The following LYRM4 variants were observed in gnomAD, a reference collection of about 807,000 sequenced individuals.
LYRM4 encodes LYR motif-containing protein 4.
LYRM4 carries 9 observed loss-of-function variants against 11.7 expected under a neutral mutation model. The ratio of observed to expected loss-of-function variants is 0.77; its 90% CI spans 0.46 to 1.34. The LOEUF is 1.34. LYRM4 is among the 40% of genes most tolerant of loss of function. The probability of loss-of-function intolerance (pLI) is 0.00; values close to 1 mark genes in which losing one functional copy is unlikely to be tolerated. For missense variants in LYRM4, 133 were observed against 112.5 expected, an observed-to-expected ratio of 1.18 and a Z score of -0.82; for synonymous variants, 42 against 40.4, an observed-to-expected ratio of 1.04 and a Z score of -0.15.
chr6:5,185,104 GCTC>G (rs1465551860), intron 2 of LYRM4, among the ~76,000 whole-genome samples: 1 of 152,138 alleles, frequency 6.6e-6, no homozygotes, highest in Admixed American at 6.6e-5. Context: ...ATCACAATAC[GCTC>G]CTACCTAGCT....
At chr6:5,145,556 C>T (rs551920519) in intron 2 of LYRM4, among the ~76,000 whole-genome samples, 5 of 152,254 alleles carry the variant, frequency 3.3e-5, no homozygotes, top group South Asian at 4.1e-4. Flanking sequence ...CTCTACCCAC[C>T]AAGTAATAAA....
the LYRM4 span, among the ~76,000 whole-genome samples, chr6:5,062,515 C>T: frequency 6.6e-6 from 1 of 151,756 alleles, no homozygotes; most frequent in Non-Finnish European, 1.5e-5. Flanking sequence ...ATTTTTCTTC[C>T]ACATCATTGT....
intron 1 of LYRM4, among the ~76,000 whole-genome samples, chr6:5,246,242 C>T (rs1157487828): frequency 6.6e-6 from 1 of 152,150 alleles, no homozygotes; most frequent in Non-Finnish European, 1.5e-5. Flanking sequence ...GTTGGATTTG[C>T]TGACATGAAG....
At chr6:5,042,837 C>T in the LYRM4 span, 1 of 152,354 alleles carries the variant, frequency 6.6e-6, no homozygotes, top group African/African-American at 2.4e-5. Flanking sequence ...TCTGCTTGGC[C>T]CATGATCCTG....
At chr6:5,239,864 C>T (rs1175503686) in intron 1 of LYRM4, among the ~76,000 whole-genome samples, 2 of 152,100 alleles carry the variant, frequency 1.3e-5, no homozygotes, top group Non-Finnish European at 2.9e-5. Context: ...TGAGCATAGG[C>T]CCTTAAAAAC....
chr6:5,195,928 A>C (rs1761026843), intron 2 of LYRM4, among the ~76,000 whole-genome samples: 1 of 152,120 alleles, frequency 6.6e-6, no homozygotes, highest in South Asian at 2.1e-4. Flanking sequence ...ACTTCCTCAC[A>C]CCAACTGAAA....
At chr6:5,235,450 GTA>G (rs1763486958) in intron 1 of LYRM4, among the ~76,000 whole-genome samples, 1 of 152,096 alleles carries the variant, frequency 6.6e-6, no homozygotes, top group African/African-American at 2.4e-5. Flanking sequence ...GACTAATACA[GTA>G]TTCATTTTTT....
intron 2 of LYRM4, among the ~76,000 whole-genome samples, chr6:5,155,285 T>G (rs2746238): frequency 0.09 from 13,653 of 152,154 alleles, 1,167 homozygotes; most frequent in African/African-American, 0.22. Flanking sequence ...TTCACCATGT[T>G]GGCCAGGCTG....
intron 2 of LYRM4, among the ~76,000 whole-genome samples, chr6:5,134,985 G>T (rs1757005445): frequency 7.2e-6 from 1 of 139,166 alleles, no homozygotes; most frequent in Non-Finnish European, 1.6e-5. Context: ...TCCCGGGGCT[G>T]TGGAGGGTGC....
the LYRM4 span, chr6:5,086,231 C>A: frequency 6.5e-7 from 1 of 1,535,514 alleles, no homozygotes. Flanking sequence ...AGGGCCGTGA[C>A]CGTGCGCTAC....
Position 5,204,551 on chromosome 6 carries a change from A to G in LYRM4, c.207+12067T>C, listed in dbSNP as rs576326224. ...CTGACTTCTCCCTCCCTCTCTTCCC[A>G]TGTGAAATGCAGACTCACTGAGCGC... On this transcript the variant is annotated intron_variant, in intron 2 of 2. Coordinates refer to ENST00000330636, the MANE Select transcript of LYRM4 (RefSeq NM_020408.6). 9.2e-5 allele frequency among the ~76,000 whole-genome samples: 14 copies of G among 152,236 alleles called. No homozygotes were observed. In the South Asian group the frequency reaches 2.9e-3, roughly 32 times the overall value.
chr6:5,094,451 T>G, the LYRM4 span, among the ~76,000 whole-genome samples: 1 of 152,210 alleles, frequency 6.6e-6, no homozygotes, highest in Non-Finnish European at 1.5e-5. Flanking sequence ...ACCACTGGAC[T>G]CCAGCCTGGA....
At position 5,118,111 on chromosome 6, in the gene LYRM4, T is replaced by TTTTGA. The variant is rs1186334179; in HGVS notation, c.208-8621_208-8620insTCAAA. Among the ~76,000 whole-genome samples, 54 of 90,328 alleles carry TTTTGA rather than the reference T, an allele frequency of 6.0e-4. No homozygotes were observed. The East Asian group carries it at 0.046, about 76-fold the overall frequency. 59.3% of individuals were successfully genotyped at this position (90,328 alleles called of 152,430 possible). ...ATATATATATTTTTGTTTTGTTTTG[T>TTTTGA]TTTGTTTTTTTTTTTGAGACAGAGT... On this transcript the variant is annotated intron_variant, in intron 2 of 2. Transcript: ENST00000330636.
At chr6:5,228,057 G>A (rs1178376579) in intron 1 of LYRM4, among the ~76,000 whole-genome samples, 1 of 152,070 alleles carries the variant, frequency 6.6e-6, no homozygotes, top group African/African-American at 2.4e-5. Context: ...CCTAGATGAT[G>A]GGTTGATAGG....
intron 2 of LYRM4, among the ~76,000 whole-genome samples, chr6:5,149,107 G>A (rs1264090594): frequency 6.6e-6 from 1 of 152,170 alleles, no homozygotes; most frequent in African/African-American, 2.4e-5. Context: ...TTCGCTTTCT[G>A]TTGCAGGTAC....
chr6:5,227,961 C>A (rs764180644), intron 1 of LYRM4, among the ~76,000 whole-genome samples: 9 of 152,118 alleles, frequency 5.9e-5, no homozygotes, highest in Non-Finnish European at 1.2e-4. Flanking sequence ...GGGAGGGGAA[C>A]ATCACACACC....
intron 2 of LYRM4, among the ~76,000 whole-genome samples, chr6:5,189,342 T>G (rs1223473157): frequency 6.6e-6 from 1 of 152,056 alleles, no homozygotes; most frequent in African/African-American, 2.4e-5. Context: ...AGGTTAGTGG[T>G]TAGCCTAAGG....
chr6:5,162,357 CCTTA>C (rs1445913593), intron 2 of LYRM4, among the ~76,000 whole-genome samples: 1 of 152,194 alleles, frequency 6.6e-6, no homozygotes, highest in Non-Finnish European at 1.5e-5. Context: ...CAAGAGGCCT[CCTTA>C]CTTCATCATT....
At chr6:5,172,117 AC>A (rs1179360868) in intron 2 of LYRM4, among the ~76,000 whole-genome samples, 1 of 152,092 alleles carries the variant, frequency 6.6e-6, no homozygotes, top group Non-Finnish European at 1.5e-5. Context: ...GCATTCAGGA[AC>A]CCTTCACCAT....
Sources: gnomAD v4.1 joint callset for allele counts (sites outside exome capture counted in the v4.1 genomes callset) on GRCh38, gnomAD v4.1.1 for gene constraint, MANE v1.5 for transcripts, NCBI Gene and HGNC (gene_info 2026-07-23, HGNC 2026-07-21) for gene names.